The following PIGL variants were observed in gnomAD, a reference collection of about 807,000 sequenced individuals.
PIGL encodes phosphatidylinositol glycan anchor biosynthesis class L.
Under a neutral mutation model 31.1 loss-of-function variants are expected in PIGL, and 22 were observed. That is an observed-to-expected ratio of 0.71 (90% CI 0.51 to 1.01). The LOEUF (loss-of-function observed/expected upper bound fraction) is 1.01, where lower values mean the gene tolerates loss of function less well. Among genes scored for constraint, PIGL ranks in the 50% least tolerant of loss-of-function variants. The pLI, the probability that PIGL is intolerant of heterozygous loss-of-function variation, is 0.00. For synonymous variants in PIGL, 131 were observed against 117.4 expected, an observed-to-expected ratio of 1.12 and a Z score of -0.75; for missense variants, 302 against 315.9, an observed-to-expected ratio of 0.96 and a Z score of 0.33.
At chr17:16,251,188 G>A (rs1304273503) in intron 2 of PIGL, among the ~76,000 whole-genome samples, 2 of 152,148 alleles carry the variant, frequency 1.3e-5, no homozygotes, top group Non-Finnish European at 2.9e-5. Flanking sequence ...CACTTTGGGA[G>A]GCCGAGGTGG....
chr17:16,302,380 C>T (rs111891432), intron 3 of PIGL, among the ~76,000 whole-genome samples: 8 of 152,208 alleles, frequency 5.3e-5, no homozygotes, highest in African/African-American at 1.9e-4. Context: ...TCCTCTTCAG[C>T]CCACACAGTT....
intron 2 of PIGL, among the ~76,000 whole-genome samples, chr17:16,261,229 G>A (rs1302113901): frequency 6.6e-6 from 1 of 152,012 alleles, no homozygotes; most frequent in Non-Finnish European, 1.5e-5. Context: ...TGGAGAGCCC[G>A]GCCCAGGCTG....
intron 2 of PIGL, among the ~76,000 whole-genome samples, chr17:16,289,699 C>T (rs777904120): frequency 1.3e-5 from 2 of 152,220 alleles, no homozygotes; most frequent in Non-Finnish European, 2.9e-5. Context: ...GGAATTGCGC[C>T]AGAATACCTG....
At chr17:16,281,221 G>C (rs976618653) in intron 2 of PIGL, among the ~76,000 whole-genome samples, 1 of 152,190 alleles carries the variant, frequency 6.6e-6, no homozygotes, top group African/African-American at 2.4e-5. Flanking sequence ...TCAGGGATTT[G>C]TGGACCTCAA....
At chr17:16,276,476 T>A (rs1483881863) in intron 2 of PIGL, among the ~76,000 whole-genome samples, 1 of 152,232 alleles carries the variant, frequency 6.6e-6, no homozygotes, top group Admixed American at 6.5e-5. Context: ...CTCACACCTA[T>A]AATCCCAGCA....
At chr17:16,304,302 G>A (rs1266730135) in intron 3 of PIGL, among the ~76,000 whole-genome samples, 1 of 152,192 alleles carries the variant, frequency 6.6e-6, no homozygotes, top group Non-Finnish European at 1.5e-5. Context: ...TCTCACCTGG[G>A]CTGCACCAGG....
At chr17:16,228,218 C>T (rs2092661653) in intron 1 of PIGL, among the ~76,000 whole-genome samples, 1 of 151,382 alleles carries the variant, frequency 6.6e-6, no homozygotes, top group South Asian at 2.1e-4. Flanking sequence ...CCATGCCCGG[C>T]TAATTTTTTT....
chr17:16,258,264 C>T (rs953523941), intron 2 of PIGL, among the ~76,000 whole-genome samples: 81 of 147,222 alleles, frequency 5.5e-4, no homozygotes, highest in African/African-American at 1.8e-3. Context: ...ACTGCAACCT[C>T]TGCCTCCCAG....
chr17:16,304,888 A>C (rs938525225), intron 3 of PIGL, among the ~76,000 whole-genome samples: 1 of 152,066 alleles, frequency 6.6e-6, no homozygotes, highest in Non-Finnish European at 1.5e-5. Context: ...AGACTGGATA[A>C]TTTGTTGTGG....
At chr17:16,272,620 G>A (rs747802102) in intron 2 of PIGL, among the ~76,000 whole-genome samples, 16 of 151,926 alleles carry the variant, frequency 1.1e-4, no homozygotes, top group African/African-American at 2.9e-4. Context: ...ACTACTTCTC[G>A]CTGCCATTGA....
chr17:16,315,704 CTTTCTTTTTTTTT>C (rs2093072911), intron 4 of PIGL, among the ~76,000 whole-genome samples: 8 of 75,442 alleles, frequency 1.1e-4, no homozygotes, highest in African/African-American at 1.6e-4. Context: ...TTCTTTCTTT[CTTTCTTTTTTTTT>C]TTTTTTTTTT....
intron 2 of PIGL, among the ~76,000 whole-genome samples, chr17:16,239,059 TGTG>T (rs1470174607): frequency 6.6e-6 from 1 of 151,244 alleles, no homozygotes; most frequent in Non-Finnish European, 1.5e-5. Flanking sequence ...TTTAGCTAGG[TGTG>T]GTGGCACGCA....
At chr17:16,248,961 C>T (rs966256350) in intron 2 of PIGL, among the ~76,000 whole-genome samples, 1 of 152,128 alleles carries the variant, frequency 6.6e-6, no homozygotes, top group Non-Finnish European at 1.5e-5. Context: ...CACTGTGCCT[C>T]ATGTGGTGGA....
intron 2 of PIGL, among the ~76,000 whole-genome samples, chr17:16,241,321 G>T (rs2092722462): frequency 1.3e-5 from 2 of 151,676 alleles, no homozygotes. Context: ...GGGTGCAGTG[G>T]CTCAGGCCTG....
chr17:16,321,346 T>C (rs1380994965), intron 6 of PIGL, among the ~76,000 whole-genome samples: 3 of 151,714 alleles, frequency 2.0e-5, no homozygotes, highest in Non-Finnish European at 4.4e-5. Flanking sequence ...GTTCAAGTGA[T>C]TTTTCTGCAT....
At chr17:16,236,742 A>G (rs897949377) in intron 2 of PIGL, among the ~76,000 whole-genome samples, 4 of 151,408 alleles carry the variant, frequency 2.6e-5, no homozygotes, top group Non-Finnish European at 5.9e-5. Context: ...TAATTTTTAT[A>G]TTTTTAGTAG....
At chr17:16,237,805 C>CAAAAA (rs57265734) in intron 2 of PIGL, among the ~76,000 whole-genome samples, 5 of 101,748 alleles carry the variant, frequency 4.9e-5, no homozygotes, top group African/African-American at 7.2e-5. Flanking sequence ...GTCTCAAAAG[C>CAAAAA]AAAAAAAAAA....
chr17:16,231,222 A>C (rs553990342), intron 1 of PIGL, among the ~76,000 whole-genome samples: 2 of 118,516 alleles, frequency 1.7e-5, no homozygotes, highest in East Asian at 5.0e-4. Context: ...TTACTGATTT[A>C]TTTTCTTTTC....
intron 2 of PIGL, chr17:16,279,591 A>G (rs2092908636): frequency 6.6e-6 from 1 of 152,238 alleles, no homozygotes; most frequent in Admixed American, 6.5e-5. Flanking sequence ...GATTTTCTAT[A>G]GAAGTTTTAT....
Sources: gnomAD v4.1 joint callset for allele counts (sites outside exome capture counted in the v4.1 genomes callset) on GRCh38, gnomAD v4.1.1 for gene constraint, MANE v1.5 for transcripts, NCBI Gene and HGNC (gene_info 2026-07-23, HGNC 2026-07-21) for gene names.